Variants in MINDY3 observed in about 807,000 individuals in gnomAD.
MINDY3 encodes MINDY lysine 48 deubiquitinase 3.
MINDY3 carries 38 observed loss-of-function variants against 69.2 expected under a neutral mutation model. The ratio of observed to expected loss-of-function variants is 0.55; its 90% CI spans 0.42 to 0.72. The LOEUF is 0.72. MINDY3 is among the 30% of genes least tolerant of loss of function. MINDY3 has a pLI of 0.00. For synonymous variants in MINDY3, 192 were observed against 180.1 expected (o/e 1.07, Z -0.53); for missense variants, 522 against 519.0 (o/e 1.01, Z -0.06).
chr10:15,831,009 T>C (rs985586288), intron 8 of MINDY3, among the ~76,000 whole-genome samples: 3 of 152,164 alleles, frequency 2.0e-5, no homozygotes, highest in African/African-American at 7.2e-5. Context: ...GAAAGATATA[T>C]AGTTCTTCTA....
chr10:15,834,176 G>A (rs1832925327), intron 7 of MINDY3, among the ~76,000 whole-genome samples: 1 of 151,750 alleles, frequency 6.6e-6, no homozygotes, highest in African/African-American at 2.4e-5. Context: ...TGAGGAGGGT[G>A]GTCCGAGAGG....
chr10:15,847,240 G>A lies in MINDY3; in HGVS notation c.174+624C>T, dbSNP rs577521698. ...TTTTAACAATTTAACAGTTTATAGC[G>A]AATCAGCCTTTGAAATTCAAACAAT... On this transcript the variant is annotated intron_variant, in intron 2 of 14. Transcript: ENST00000277632. 1.2e-4 allele frequency among the ~76,000 whole-genome samples: 19 copies of A among 152,216 alleles called. 1 individual carries two copies. In the South Asian group the frequency reaches 1.9e-3, roughly 15 times the overall value.
chr10:15,820,369 T>C (rs1027048993), intron 9 of MINDY3, among the ~76,000 whole-genome samples: 8 of 152,144 alleles, frequency 5.3e-5, no homozygotes, highest in Non-Finnish European at 1.2e-4. Context: ...TCTTAAGGGA[T>C]ACACAGGAAA....
rs997457417 is a variant in MINDY3, at chr10:15,778,691, A to G, written c.*301T>C. 3 of 240,390 alleles carry G rather than the reference A, an allele frequency of 1.2e-5. No homozygotes were observed. Among genetic ancestry groups the G allele is most frequent in the Non-Finnish European group, 2.4e-5 (3 of 123,644 alleles). 14.9% of individuals were successfully genotyped at this position (240,390 alleles called of 1,614,324 possible). A position where few individuals can be genotyped will look rare whatever the true frequency, so the allele number is the denominator to read the frequency against. ...GTGATACTTAATATACAAATGCTGT[A>G]GTATTGCGTTTGTAATTTGGTAAGT... On this transcript the variant is annotated 3_prime_UTR_variant, in exon 15 of 15. Transcript: ENST00000277632.
intron 10 of MINDY3, among the ~76,000 whole-genome samples, chr10:15,802,648 C>G (rs2131913727): frequency 6.6e-6 from 1 of 152,166 alleles, no homozygotes. Flanking sequence ...AACTCAAAAC[C>G]CTGTATGTGG....
In MINDY3 at chr10:15,847,361, A is replaced by G. The variant is rs575555337; in HGVS notation, c.174+503T>C. Among the ~76,000 whole-genome samples the G allele has an allele frequency of 2.6e-5, 4 of 152,364 alleles. No homozygotes were observed. The South Asian group carries it at 8.3e-4, about 32-fold the overall frequency. On this transcript the variant is annotated intron_variant, in intron 2 of 14. Coordinates refer to ENST00000277632, the MANE Select transcript of MINDY3 (RefSeq NM_024948.4). ...ATTTTTGGTTTTTGAAATTGTTTGA[A>G]ATCAGTTGTTACGAATTTTATTCAG... is the stretch of plus-strand genomic sequence containing the variant.
At position 15,806,316 on chromosome 10, in the gene MINDY3, T is replaced by C. The variant is rs549750268; in HGVS notation, c.883-10144A>G. On this transcript the variant is annotated intron_variant, in intron 10 of 14. Transcript: ENST00000277632. ...AGCTGCACATGGAGGAATCTCCACA[T>C]ACGCAGACTTCATGTTTCCTATGAA... Among the ~76,000 whole-genome samples, 3 of 152,276 alleles carry C rather than the reference T, an allele frequency of 2.0e-5. No homozygotes were observed. In the South Asian group the frequency reaches 6.2e-4, roughly 32 times the overall value.
At chr10:15,794,845 A>C (rs1241460979) in intron 11 of MINDY3, among the ~76,000 whole-genome samples, 2 of 152,022 alleles carry the variant, frequency 1.3e-5, no homozygotes, top group Admixed American at 1.3e-4. Flanking sequence ...GCATTGATGA[A>C]ATTTTTTCAG....
chr10:15,828,261 G>A (rs193225614), intron 8 of MINDY3, among the ~76,000 whole-genome samples: 7 of 152,264 alleles, frequency 4.6e-5, no homozygotes, highest in Non-Finnish European at 1.0e-4. Context: ...TGAAGTACTG[G>A]TACATGCTAA....
intron 10 of MINDY3, among the ~76,000 whole-genome samples, chr10:15,806,484 A>C (rs932083444): frequency 2.0e-5 from 3 of 152,170 alleles, no homozygotes; most frequent in Non-Finnish European, 4.4e-5. Context: ...CAAGGTTTGC[A>C]TGATTACAAA....
intron 11 of MINDY3, among the ~76,000 whole-genome samples, chr10:15,794,954 T>C (rs1723249581): frequency 6.6e-6 from 1 of 151,554 alleles, no homozygotes; most frequent in East Asian, 2.0e-4. Context: ...CTCCTAAGAT[T>C]TTCTGATCCT....
intron 3 of MINDY3, 92 bp from the exon 4 acceptor site, chr10:15,841,691 G>A: frequency 1.5e-6 from 1 of 684,410 alleles, no homozygotes; most frequent in Non-Finnish European, 2.3e-6. Flanking sequence ...GGTTAATGAT[G>A]AAAATCAAGC....
At chr10:15,846,242 G>T (rs1215127479) in intron 2 of MINDY3, among the ~76,000 whole-genome samples, 1 of 152,146 alleles carries the variant, frequency 6.6e-6, no homozygotes, top group Admixed American at 6.5e-5. Context: ...GAAATATACT[G>T]TACTTTATAA....
chr10:15,785,357 GTAACTGTCTCACTTTACATT>G (rs1430841016), intron 13 of MINDY3, among the ~76,000 whole-genome samples: 2 of 152,086 alleles, frequency 1.3e-5, no homozygotes, highest in Non-Finnish European at 2.9e-5. Context: ...ATTACTACAA[GTAACTGTCTCACTTTACATT>G]TCTCACTTTT....
intron 10 of MINDY3, among the ~76,000 whole-genome samples, chr10:15,806,710 C>A (rs754673800): frequency 6.6e-6 from 1 of 152,132 alleles, no homozygotes; most frequent in Non-Finnish European, 1.5e-5. Flanking sequence ...TACAGCTGAT[C>A]GTCAACCTTT....
Position 15,783,107 on chromosome 10 carries a change from A to G in MINDY3, c.1117-881T>C, listed in dbSNP as rs561616222. On this transcript the variant is annotated intron_variant, in intron 13 of 14. Coordinates refer to ENST00000277632, the MANE Select transcript of MINDY3 (RefSeq NM_024948.4). ...AGGGAAGACAGCTGCTGGCAACTGG[A>G]GCTTCAGCTCCTACAGAAAGATAGG... Among the ~76,000 whole-genome samples, 254 of 152,278 alleles carry G rather than the reference A, an allele frequency of 1.7e-3. 1 individual carries two copies. Among genetic ancestry groups the G allele is most frequent in the African/African-American group, 5.7e-3 (235 of 41,550 alleles).
chr10:15,839,947 T>A (rs922896586), intron 4 of MINDY3, among the ~76,000 whole-genome samples: 1 of 151,638 alleles, frequency 6.6e-6, no homozygotes, highest in Non-Finnish European at 1.5e-5. Context: ...AGGGAATGCA[T>A]TATAAGGCCC....
At chr10:15,821,610 G>C (rs1377925512) in intron 9 of MINDY3, 46 bp downstream of exon 9, 1 of 1,412,616 alleles carries the variant, frequency 7.1e-7, no homozygotes. Flanking sequence ...CACAATAGTG[G>C]ACATCTAAAC....
chr10:15,825,700 A>G (rs1465685521), intron 8 of MINDY3, among the ~76,000 whole-genome samples: 1 of 152,238 alleles, frequency 6.6e-6, no homozygotes, highest in Admixed American at 6.5e-5. Context: ...TTAAAGTTGT[A>G]TATATTTACC....
Sources: allele counts gnomAD v4.1 joint callset (sites outside exome capture counted in the v4.1 genomes callset), GRCh38; gene constraint gnomAD v4.1.1; transcripts MANE v1.5; gene names NCBI Gene and HGNC (gene_info 2026-07-23, HGNC 2026-07-21).